The following BICRA variants were observed in gnomAD, a reference collection of about 807,000 sequenced individuals.
BICRA encodes BRD4-interacting chromatin-remodeling complex-associated protein.
BICRA carries 31 observed loss-of-function variants against 96.9 expected under a neutral mutation model. That is an observed-to-expected ratio of 0.32 (90% CI 0.24 to 0.43). The LOEUF is 0.43. BICRA is among the 20% of genes least tolerant of loss of function. BICRA has a pLI of 1.00. For missense variants in BICRA, 2,283 were observed against 2,190.3 expected (o/e 1.04, Z -0.84); for synonymous variants, 1,350 against 1,071.8 (o/e 1.26, Z -5.07).
At chr19:47,631,172 C>T (rs770843544) in intron 1 of BICRA, among the ~76,000 whole-genome samples, 7 of 152,152 alleles carry the variant, frequency 4.6e-5, no homozygotes, top group Admixed American at 6.6e-5. Context: ...TCTTTCACCT[C>T]AGCCTCCTGA....
intron 11 of BICRA, among the ~76,000 whole-genome samples, chr19:47,697,168 G>A (rs1201393016): frequency 6.6e-6 from 1 of 151,922 alleles, no homozygotes; most frequent in South Asian, 2.1e-4. Context: ...CACCATGCTC[G>A]GCTAATTTTT....
At position 47,679,581 on chromosome 19, in the gene BICRA, G is replaced by A. The variant is rs746489374; in HGVS notation, c.411G>A (p.Ala137=). 78 of 1,541,120 alleles carry A rather than the reference G, an allele frequency of 5.1e-5. No individual in the cohort carries two copies. In the Admixed American group the frequency reaches 8.2e-4, roughly 16 times the overall value. The change falls in exon 6 of 15, where the codon GCG becomes GCA. Residue 137 remains alanine (A), a synonymous_variant. Transcript: ENST00000594866. ...TCCAGCTGCCCACCCTGCAGCCTGC[G>A]GATGGCGGGGCAGGCCCGACGGGCG... The part of the protein sequence containing the change: ...GPFQLPTLQP[A]DGGAGPTGAG...
chr19:47,627,508 C>T lies in BICRA; in HGVS notation c.-108+18340C>T, dbSNP rs116056519. Among the ~76,000 whole-genome samples, 1,489 of 152,222 alleles carry T rather than the reference C, an allele frequency of 9.8e-3. 29 individuals are homozygous for T. Among genetic ancestry groups the T allele is most frequent in the African/African-American group, 0.034 (1,429 of 41,544 alleles). On this transcript the variant is annotated intron_variant, in intron 1 of 14. Transcript: ENST00000594866. Reference sequence around the variant, plus strand: ...AGAGTGCACACAGGATGATGTGGGACCCCCCAGCAAGGCAGGCAGCTCCCC... The same window carrying T: ...AGAGTGCACACAGGATGATGTGGGATCCCCCAGCAAGGCAGGCAGCTCCCC...
intron 1 of BICRA, among the ~76,000 whole-genome samples, chr19:47,619,672 A>G (rs1370731263): frequency 2.0e-5 from 3 of 152,182 alleles, no homozygotes; most frequent in Non-Finnish European, 4.4e-5. Flanking sequence ...GCGAGGTGGG[A>G]GGATCACTTG....
At chr19:47,654,532 A>G (rs1194292551) in intron 1 of BICRA, among the ~76,000 whole-genome samples, 4 of 152,080 alleles carry the variant, frequency 2.6e-5, no homozygotes, top group African/African-American at 7.2e-5. Flanking sequence ...CCCAGGCTGG[A>G]GTGCAGTGGC....
intron 1 of BICRA, among the ~76,000 whole-genome samples, chr19:47,658,959 G>A (rs528647206): frequency 6.6e-6 from 1 of 152,002 alleles, no homozygotes; most frequent in Admixed American, 6.6e-5. Context: ...TTGTATTTCC[G>A]CCACCCACCC....
intron 1 of BICRA, among the ~76,000 whole-genome samples, chr19:47,641,070 ATTTTTTTTTTT>A (rs71180861): frequency 3.8e-5 from 4 of 104,550 alleles, no homozygotes; most frequent in African/African-American, 1.2e-4. Context: ...TGCCTGGCTA[ATTTTTTTTTTT>A]TTTTTTTTTT....
rs1369568648 is a variant in BICRA at position 47,701,725 on chromosome 19, C to T, written c.3993C>T (p.His1331=). Residue 1331 remains histidine (H), a synonymous_variant, in exon 15 of 15, where the codon CAC becomes CAT. Transcript: ENST00000594866. This position sits in a 1 kb window ranked among gnomAD's most constrained non-coding sequence, Gnocchi z 5.4. ...VVHNTALDPV[H]QPPPPPATLK... ...ACAACACGGCCCTGGACCCCGTGCA[C>T]CAGCCCCCGCCACCCCCCGCTACCC... The T allele has an allele frequency of 2.5e-6, 4 of 1,575,642 alleles. No individual in the cohort carries two copies. Among genetic ancestry groups the T allele is most frequent in the Middle Eastern group, 1.8e-4 (1 of 5,426 alleles).
intron 1 of BICRA, among the ~76,000 whole-genome samples, chr19:47,632,609 T>C (rs1972237256): frequency 6.6e-6 from 1 of 152,208 alleles, no homozygotes. Flanking sequence ...CTCCCATCAC[T>C]GTGTGCCATG....
Position 47,675,679 on chromosome 19 carries a change from A to C in BICRA, c.85-172A>C, listed in dbSNP as rs1972929440. ...TGCCTTGGGTTTTAGGCAGGCACCC[A>C]AGCCCCTGCCTTTGGGGCCTCTTTT... On this transcript the variant is annotated intron_variant, in intron 4 of 14. Transcript: ENST00000594866. The surrounding 1 kb of genome is among the most constrained non-coding windows in gnomAD (Gnocchi z 4.7). Among the ~76,000 whole-genome samples, 1 of 152,194 alleles carries C rather than the reference A, an allele frequency of 6.6e-6. No homozygotes were observed. Among genetic ancestry groups the C allele is most frequent in the Non-Finnish European group, 1.5e-5 (1 of 68,032 alleles).
chr19:47,666,236 G>A (rs535744407), intron 1 of BICRA, among the ~76,000 whole-genome samples: 1 of 152,240 alleles, frequency 6.6e-6, no homozygotes, highest in Admixed American at 6.5e-5. Context: ...CCTGCTGTGA[G>A]CATGCACAGG....
In BICRA at chr19:47,702,296, T is replaced by C; in HGVS notation, c.4564T>C (p.Ser1522Pro). The C allele has an allele frequency of 1.3e-6, 2 of 1,586,042 alleles. No individual in the cohort carries two copies. The highest frequency in any genetic ancestry group is 4.6e-5 in the East Asian group (2 of 43,512). ...GGCCCCCGGCCGGACGCCCGCGCCC[T>C]CGTACCCCCACGCTGCCTCGGCCGG... ...QQAPGRTPAP[S>P]YPHAASAGTP... is the part of the protein sequence containing the mutation. The change falls in exon 15 of 15, where the codon TCG becomes CCG. Residue 1522 changes from serine to proline, a missense_variant. By Grantham distance (74) the Ser-to-Pro change is moderately conservative (BLOSUM62 -1). Coordinates refer to ENST00000594866, the MANE Select transcript of BICRA (RefSeq NM_001394372.1).
At chr19:47,644,100 C>T (rs1020493806) in intron 1 of BICRA, among the ~76,000 whole-genome samples, 2 of 152,112 alleles carry the variant, frequency 1.3e-5, no homozygotes, top group Non-Finnish European at 2.9e-5. Context: ...CTCACTGCAG[C>T]CTCTACCTGC....
At chr19:47,641,773 A>T (rs1422553450) in intron 1 of BICRA, among the ~76,000 whole-genome samples, 1 of 152,230 alleles carries the variant, frequency 6.6e-6, no homozygotes, top group East Asian at 1.9e-4. Context: ...TTGAATCTAT[A>T]GACCAATTTG....
chr19:47,640,105 G>T (rs566010961), intron 1 of BICRA, among the ~76,000 whole-genome samples: 1 of 152,282 alleles, frequency 6.6e-6, no homozygotes, highest in South Asian at 2.1e-4. Context: ...ACATTATTGA[G>T]CATCTCTGTG....
intron 7 of BICRA, among the ~76,000 whole-genome samples, chr19:47,683,424 C>T (rs1421623864): frequency 6.6e-6 from 1 of 152,154 alleles, no homozygotes; most frequent in African/African-American, 2.4e-5. Context: ...ACTTTCTGTT[C>T]TATGAAACTG....
chr19:47,693,074 A>T (rs1328535829), intron 7 of BICRA, among the ~76,000 whole-genome samples: 2 of 152,216 alleles, frequency 1.3e-5, no homozygotes, highest in Admixed American at 6.5e-5. Flanking sequence ...ACACAAATGG[A>T]TGCGGGAGGC....
At chr19:47,685,916 T>C (rs1973150688) in intron 7 of BICRA, among the ~76,000 whole-genome samples, 1 of 152,094 alleles carries the variant, frequency 6.6e-6, no homozygotes, top group South Asian at 2.1e-4. Flanking sequence ...ACCTTTTTTT[T>C]TCCTTGACCC....
At chr19:47,640,614 A>G (rs928986217) in intron 1 of BICRA, among the ~76,000 whole-genome samples, 2 of 151,576 alleles carry the variant, frequency 1.3e-5, no homozygotes, top group Non-Finnish European at 2.9e-5. Context: ...ATCAGACTGT[A>G]CTGAGTGCTG....
Sources: allele counts gnomAD v4.1 joint callset (sites outside exome capture counted in the v4.1 genomes callset), GRCh38; gene constraint gnomAD v4.1.1; non-coding constraint Gnocchi (gnomAD v3.1); transcripts MANE v1.5; gene names NCBI Gene and HGNC (gene_info 2026-07-23, HGNC 2026-07-21).